Variants in TMSB15B observed in about 807,000 individuals in gnomAD.
TMSB15B encodes the protein thymosin beta 15B.
At chrX:103,950,353 T>G (rs781841211) in intron 1 of TMSB15B, among the ~76,000 whole-genome samples, 1 of 110,800 alleles carries the variant, frequency 9.0e-6, no homozygotes, top group East Asian at 2.8e-4. Flanking sequence ...AGGCTACAGC[T>G]GGGGCAGAGT....
intron 1 of TMSB15B, among the ~76,000 whole-genome samples, chrX:103,951,336 T>C (rs2075038851): frequency 8.9e-6 from 1 of 111,743 alleles, no homozygotes; most frequent in African/African-American, 3.3e-5. Flanking sequence ...GGTGAAATGA[T>C]GTGGTGGTAG....
intron 1 of TMSB15B, among the ~76,000 whole-genome samples, chrX:103,946,892 A>C (rs2075027099): frequency 8.9e-6 from 1 of 111,871 alleles, no homozygotes; most frequent in Admixed American, 9.5e-5. Flanking sequence ...TTCGACAAAC[A>C]TTGTATAATA....
chrX:103,924,547 G>A (rs1402904695), intron 1 of TMSB15B, among the ~76,000 whole-genome samples: 4 of 111,351 alleles, frequency 3.6e-5, no homozygotes, highest in Admixed American at 1.9e-4. Context: ...TTGTTTACCC[G>A]TCTTCCCTAC....
intron 1 of TMSB15B, among the ~76,000 whole-genome samples, chrX:103,935,755 T>C (rs1292109187): frequency 9.0e-6 from 1 of 111,140 alleles, no homozygotes; most frequent in Admixed American, 9.6e-5. Context: ...GTAGTATATT[T>C]TGAAGTCAGA....
chrX:103,923,121 A>AGAT lies in TMSB15B; in HGVS notation c.-721+3830_-721+3832dup, dbSNP rs1217601359. 2.7e-5 allele frequency among the ~76,000 whole-genome samples: 3 copies of AGAT among 111,855 alleles called. No homozygotes were observed. The South Asian group carries it at 1.1e-3, about 42-fold the overall frequency. ...GATATTAGCCCTTTGTCAGATGGGT[A>AGAT]GATTGCAAAAATTTTCTCCCATTCT... is the stretch of plus-strand genomic sequence containing the variant. On this transcript the variant is annotated intron_variant, in intron 1 of 3. Coordinates refer to the TMSB15B transcript ENST00000419165.
intron 1 of TMSB15B, among the ~76,000 whole-genome samples, chrX:103,933,088 A>G (rs2074988631): frequency 1.8e-5 from 2 of 112,142 alleles, no homozygotes; most frequent in Admixed American, 1.9e-4. Flanking sequence ...TGCTTTTACA[A>G]CTTATTTTTA....
At chrX:103,922,318 A>G (rs2074955643) in intron 1 of TMSB15B, among the ~76,000 whole-genome samples, 1 of 106,015 alleles carries the variant, frequency 9.4e-6, no homozygotes, top group African/African-American at 3.5e-5. Flanking sequence ...TTAACTCGTC[A>G]TTTACATTAG....
At chrX:103,928,277 G>A (rs2147817760) in intron 1 of TMSB15B, 2 of 1,205,434 alleles carry the variant, frequency 1.7e-6, no homozygotes, top group South Asian at 3.5e-5. Flanking sequence ...CCATGCCATG[G>A]CAGTGTCAGA....
intron 1 of TMSB15B, among the ~76,000 whole-genome samples, chrX:103,938,150 G>A (rs1272882062): frequency 9.0e-6 from 1 of 111,430 alleles, no homozygotes; most frequent in Non-Finnish European, 1.9e-5. Context: ...CTGTTGATTT[G>A]GGTGGAATTC....
chrX:103,950,045 C>A (rs1164213689), intron 1 of TMSB15B, among the ~76,000 whole-genome samples: 3 of 111,158 alleles, frequency 2.7e-5, no homozygotes, highest in African/African-American at 9.8e-5. Flanking sequence ...AAGGTGAGAA[C>A]TTAGAATTGA....
chrX:103,932,163 C>T (rs781920806), intron 1 of TMSB15B: 1 of 111,868 alleles, frequency 8.9e-6, no homozygotes, highest in East Asian at 2.8e-4. Flanking sequence ...TTAATCAAAC[C>T]CAAAGAGGGG....
chrX:103,948,678 T>G (rs1407353639), intron 1 of TMSB15B, among the ~76,000 whole-genome samples: 1 of 112,418 alleles, frequency 8.9e-6, no homozygotes, highest in Non-Finnish European at 1.9e-5. Flanking sequence ...TTCACAATGT[T>G]GTGTAAAAGA....
intron 1 of TMSB15B, among the ~76,000 whole-genome samples, chrX:103,939,565 A>T (rs2075007266): frequency 9.0e-6 from 1 of 110,827 alleles, no homozygotes; most frequent in African/African-American, 3.3e-5. Context: ...TCAACCTTTT[A>T]TCAAGGTTCT....
At chrX:103,922,634 C>G (rs2074956928) in intron 1 of TMSB15B, among the ~76,000 whole-genome samples, 2 of 111,157 alleles carry the variant, frequency 1.8e-5, no homozygotes, top group Non-Finnish European at 3.8e-5. Context: ...GGTTCCAAGT[C>G]TTTGCTATCG....
rs191319851 is a variant in TMSB15B at position 103,945,503 on chromosome X, C to T, written c.-720-16518C>T. 4.5e-5 allele frequency among the ~76,000 whole-genome samples: 5 copies of T among 112,123 alleles called. No homozygotes were observed. The East Asian group carries it at 1.4e-3, about 32-fold the overall frequency. On this transcript the variant is annotated intron_variant, in intron 1 of 3. Transcript: ENST00000419165. Reference sequence around the variant, plus strand: ...GTCCCACAAAGAGTAAGAACTGACTCACTCCCACCAGACTGCTTTAATCCC... The same window carrying T: ...GTCCCACAAAGAGTAAGAACTGACTTACTCCCACCAGACTGCTTTAATCCC...
At chrX:103,938,030 G>T (rs1348051929) in intron 1 of TMSB15B, among the ~76,000 whole-genome samples, 1 of 111,880 alleles carries the variant, frequency 8.9e-6, no homozygotes, top group African/African-American at 3.3e-5. Flanking sequence ...TGTGGTCTGA[G>T]AGACGGTTTA....
Position 103,956,024 on chromosome X carries a change from A to G in TMSB15B, c.-720-5997A>G, listed in dbSNP as rs782458527. Among the ~76,000 whole-genome samples, 8 of 103,700 alleles carry G rather than the reference A, an allele frequency of 7.7e-5. No homozygotes were observed. The South Asian group carries it at 3.8e-3, about 49-fold the overall frequency. 90.1% of individuals were successfully genotyped at this position (103,700 alleles called of 115,157 possible). On this transcript the variant is annotated intron_variant, in intron 1 of 3. Transcript: ENST00000419165. ...TTAAAGAAAAGAAATTCCAACACAG[A>G]ATTTCACATCCAGCCAAACTAAGCT... is the stretch of plus-strand genomic sequence containing the variant.
intron 1 of TMSB15B, among the ~76,000 whole-genome samples, chrX:103,933,919 T>C (rs2074991034): frequency 9.1e-6 from 1 of 109,856 alleles, no homozygotes; most frequent in South Asian, 4.0e-4. Context: ...TTTTGATACA[T>C]GCGTACAATA....
chrX:103,923,455 AG>A lies in TMSB15B; in HGVS notation c.-721+4166del, dbSNP rs782393739. On this transcript the variant is annotated intron_variant, in intron 1 of 3. Transcript: ENST00000419165. ...GTTTTCCGAGCACCATTTATTAAATAGGGAATCCTTTCCCCATTTCTTGTTT... is the reference window on the plus strand; with the variant it reads ...GTTTTCCGAGCACCATTTATTAAATAGGAATCCTTTCCCCATTTCTTGTTT... Among the ~76,000 whole-genome samples the A allele has an allele frequency of 5.3e-5, 6 of 112,203 alleles. No individual in the cohort carries two copies. In the East Asian group the frequency reaches 1.7e-3, roughly 31 times the overall value.
Sources: gnomAD v4.1 joint callset for allele counts (sites outside exome capture counted in the v4.1 genomes callset) on GRCh38, gnomAD v4.1.1 for gene constraint, MANE v1.5 for transcripts, NCBI Gene and HGNC (gene_info 2026-07-23, HGNC 2026-07-21) for gene names.